The following ANO4 variants were observed in gnomAD, a reference collection of about 807,000 sequenced individuals.
ANO4 encodes the protein anoctamin-4.
Under a neutral mutation model 141.9 loss-of-function variants are expected in ANO4, and 69 were observed. The observed-to-expected ratio is 0.49, with a 90% CI of 0.40 to 0.59. The LOEUF (loss-of-function observed/expected upper bound fraction) is 0.59, where lower values mean the gene tolerates loss of function less well. ANO4 is among the 20% of genes least tolerant of loss of function. The pLI, the probability that ANO4 is intolerant of heterozygous loss-of-function variation, is 0.00. For synonymous variants in ANO4, 350 were observed against 394.3 expected, an observed-to-expected ratio of 0.89 and a Z score of 1.33; for missense variants, 894 against 1,162.2, an observed-to-expected ratio of 0.77 and a Z score of 3.36.
chr12:100,837,720 TA>T (rs66789704), intron 1 of ANO4, among the ~76,000 whole-genome samples: 8,318 of 122,486 alleles, frequency 0.068, 231 homozygotes, highest in African/African-American at 0.08. Context: ...ACCTTGTCTC[TA>T]AAAAAAAAAA....
At chr12:100,882,592 A>G (rs1490718646) in intron 1 of ANO4, among the ~76,000 whole-genome samples, 1 of 152,062 alleles carries the variant, frequency 6.6e-6, no homozygotes, top group Non-Finnish European at 1.5e-5. Context: ...CATCCAGTTC[A>G]GTTTTGTGTC....
At chr12:100,733,075 CCTT>C (rs2031449340) in intron 1 of ANO4, among the ~76,000 whole-genome samples, 2 of 152,152 alleles carry the variant, frequency 1.3e-5, no homozygotes, top group Admixed American at 1.3e-4. Context: ...GCAAATAAGT[CCTT>C]CTACTCTCAT....
In ANO4 at chr12:101,099,630, G is replaced by A. The variant is rs370881866; in HGVS notation, c.2059G>A (p.Glu687Lys). 8.6e-5 allele frequency: 138 copies of A among 1,612,042 alleles called. No homozygotes were observed. The highest frequency in any genetic ancestry group is 1.0e-4 in the Non-Finnish European group (120 of 1,179,418). ...AAAAGTACGACAAGAACATGGACCTGAAAGGAAAATAAGTTTCCCACAATG... is the reference window on the plus strand; with the variant it reads ...AAAAGTACGACAAGAACATGGACCTAAAAGGAAAATAAGTTTCCCACAATG... ...RRKVRQEHGP[E>K]RKISFPQWEK... is the part of the protein sequence containing the mutation. Residue 687 changes from glutamate to lysine, a missense_variant, in exon 22 of 28, where the codon GAA (glutamate) becomes AAA (lysine). By Grantham distance (56) the Glu-to-Lys change is moderately conservative. This residue lies in a region of ANO4 where 637 missense variants were observed against 909.2 expected (regional missense o/e 0.70). Transcript: ENST00000392977.
chr12:101,036,909 T>A (rs1347383300), intron 9 of ANO4, among the ~76,000 whole-genome samples, 186 bp from the exon 10 acceptor site: 1 of 152,168 alleles, frequency 6.6e-6, no homozygotes, highest in East Asian at 1.9e-4. Flanking sequence ...TTAATTTTTT[T>A]AGTGAATTTC....
rs577453986 is a variant in ANO4 at position 100,848,245 on chromosome 12, C to T, written c.-141+53218C>T. Among the ~76,000 whole-genome samples, 25 of 152,154 alleles carry T rather than the reference C, an allele frequency of 1.6e-4. No individual in the cohort carries two copies. In the South Asian group the frequency reaches 4.6e-3, roughly 28 times the overall value. ...TCTCTGTCTCTGGTGTTGGGATAGCCCAATAAAACCAACTTTCTTCTATAC... is the reference window on the plus strand; with the variant it reads ...TCTCTGTCTCTGGTGTTGGGATAGCTCAATAAAACCAACTTTCTTCTATAC... On this transcript the variant is annotated intron_variant, in intron 1 of 27. Transcript: ENST00000392977.
intron 1 of ANO4, chr12:100,842,210 T>C (rs1403675113): frequency 1.3e-5 from 2 of 152,116 alleles, no homozygotes; most frequent in Non-Finnish European, 2.9e-5. Context: ...CTGGCTTTAG[T>C]TGAACTTTTC....
intron 1 of ANO4, among the ~76,000 whole-genome samples, chr12:100,814,311 A>C (rs1336656705): frequency 6.6e-6 from 1 of 152,200 alleles, no homozygotes; most frequent in Non-Finnish European, 1.5e-5. Flanking sequence ...TTGTGAAGTC[A>C]TCATCATAAA....
intron 8 of ANO4, among the ~76,000 whole-genome samples, chr12:100,993,245 G>T (rs2045219789): frequency 6.6e-6 from 1 of 152,122 alleles, no homozygotes; most frequent in South Asian, 2.1e-4. Flanking sequence ...AAATATATCT[G>T]TATTTAAGGA....
chr12:100,961,345 G>A (rs181684520), intron 5 of ANO4, among the ~76,000 whole-genome samples: 25 of 152,262 alleles, frequency 1.6e-4, no homozygotes, highest in South Asian at 4.1e-4. Flanking sequence ...TCCCACTGCC[G>A]GTGGTCTTGT....
chr12:100,765,379 CTTTTTTT>C (rs71091461), intron 3 of ANO4, among the ~76,000 whole-genome samples: 2 of 125,400 alleles, frequency 1.6e-5, no homozygotes, highest in African/African-American at 6.2e-5. Context: ...TTCTTTCTTT[CTTTTTTT>C]TTTTTTTTTT....
chr12:100,945,209 G>A (rs2042675791), intron 5 of ANO4, among the ~76,000 whole-genome samples: 1 of 152,138 alleles, frequency 6.6e-6, no homozygotes, highest in African/African-American at 2.4e-5. Context: ...ACAAAGACAG[G>A]CTTTCTAGTT....
At chr12:100,875,201 G>T (rs1025636340) in intron 1 of ANO4, among the ~76,000 whole-genome samples, 1 of 152,132 alleles carries the variant, frequency 6.6e-6, no homozygotes, top group African/African-American at 2.4e-5. Context: ...GTTGGAGGAG[G>T]GACCTGGTGG....
chr12:100,797,555 A>G (rs1311123011), intron 1 of ANO4, among the ~76,000 whole-genome samples: 1 of 152,198 alleles, frequency 6.6e-6, no homozygotes, highest in Non-Finnish European at 1.5e-5. Context: ...TATGCCTTGC[A>G]ACTGATTTTG....
At chr12:100,723,029 G>C (rs11110491) in intron 1 of ANO4, among the ~76,000 whole-genome samples, 19,522 of 151,676 alleles carry the variant, frequency 0.13, 1,388 homozygotes, top group East Asian at 0.25. Context: ...TATTATGCAA[G>C]CAAGACACTC....
At chr12:100,867,930 G>A (rs2038839797) in intron 1 of ANO4, among the ~76,000 whole-genome samples, 1 of 152,102 alleles carries the variant, frequency 6.6e-6, no homozygotes, top group Non-Finnish European at 1.5e-5. Context: ...TTTGCCAGTT[G>A]ATAAATATAT....
chr12:100,916,301 TATG>T (rs1436418558), intron 2 of ANO4, among the ~76,000 whole-genome samples: 2 of 152,206 alleles, frequency 1.3e-5, no homozygotes, highest in Non-Finnish European at 2.9e-5. Flanking sequence ...ATCAAAAAGT[TATG>T]ATCTATAATA....
intron 3 of ANO4, among the ~76,000 whole-genome samples, chr12:100,758,106 A>G (rs993555864): frequency 1.3e-5 from 2 of 152,228 alleles, no homozygotes; most frequent in African/African-American, 2.4e-5. Flanking sequence ...GCCATGTGAC[A>G]GGTTCTTCCT....
chr12:100,856,482 C>A (rs10507120), intron 1 of ANO4, among the ~76,000 whole-genome samples: 60,030 of 151,904 alleles, frequency 0.4, 12,091 homozygotes, highest in Admixed American at 0.47. Flanking sequence ...ATAGGGTCAA[C>A]TTCTGTAGCC....
At chr12:100,974,264 G>A (rs1251356741) in intron 6 of ANO4, among the ~76,000 whole-genome samples, 3 of 152,216 alleles carry the variant, frequency 2.0e-5, no homozygotes, top group South Asian at 2.1e-4. Flanking sequence ...CAGGGCCAGT[G>A]GTTAGCCAGT....
Sources: allele counts gnomAD v4.1 joint callset (sites outside exome capture counted in the v4.1 genomes callset), GRCh38; gene constraint gnomAD v4.1.1; regional missense constraint gnomAD v4.1.1; transcripts MANE v1.5; gene names NCBI Gene and HGNC (gene_info 2026-07-23, HGNC 2026-07-21).